The following ZFHX3 variants were observed in gnomAD, a reference collection of about 807,000 sequenced individuals.
ZFHX3 encodes zinc finger homeobox protein 3.
Under a neutral mutation model 279.1 loss-of-function variants are expected in ZFHX3, and 42 were observed. The observed-to-expected ratio is 0.15, with a 90% CI of 0.12 to 0.19. ZFHX3 has a LOEUF of 0.19. ZFHX3 is among the 10% of genes least tolerant of loss of function. The pLI is 1.00. For synonymous variants in ZFHX3, 2,293 were observed against 1,957.8 expected (o/e 1.17, Z -4.52); for missense variants, 4,981 against 4,754.0 (o/e 1.05, Z -1.40).
At chr16:73,814,885 A>T (rs1203377108) in intron 1 of ZFHX3, among the ~76,000 whole-genome samples, 1 of 152,108 alleles carries the variant, frequency 6.6e-6, no homozygotes, top group African/African-American at 2.4e-5. Context: ...ACAACTTCTT[A>T]AAAGTAAAGC....
In ZFHX3 at chr16:73,094,511, G is replaced by A. The variant is rs369289619; in HGVS notation, c.-896-913C>T. Reference sequence around the variant, plus strand: ...CAAAGTAGCTGCCCAATACATGCCTGTGTTGGATGAGTGCTGACGGGTCAC... The same window carrying A: ...CAAAGTAGCTGCCCAATACATGCCTATGTTGGATGAGTGCTGACGGGTCAC... On this transcript the variant is annotated intron_variant, in intron 7 of 17. Transcript: ENST00000641206. The A allele has an allele frequency of 7.2e-5, 11 of 152,090 alleles. No individual in the cohort carries two copies. The East Asian group carries it at 2.1e-3, about 29-fold the overall frequency. 9.4% of individuals were successfully genotyped at this position (152,090 alleles called of 1,614,324 possible).
At chr16:73,810,177 G>A (rs904143787) in intron 1 of ZFHX3, among the ~76,000 whole-genome samples, 1 of 152,102 alleles carries the variant, frequency 6.6e-6, no homozygotes, top group Non-Finnish European at 1.5e-5. Flanking sequence ...CACTGACCCT[G>A]TTAACCCTGA....
At chr16:73,346,531 G>A (rs2016126673) in intron 3 of ZFHX3, among the ~76,000 whole-genome samples, 1 of 152,180 alleles carries the variant, frequency 6.6e-6, no homozygotes, top group African/African-American at 2.4e-5. Context: ...GAGTGCAGAG[G>A]TGCGATCTCG....
chr16:73,705,222 C>A (rs940406501), intron 1 of ZFHX3, among the ~76,000 whole-genome samples: 1 of 152,052 alleles, frequency 6.6e-6, no homozygotes, highest in African/African-American at 2.4e-5. Context: ...GTTTAGCAAC[C>A]AATATGCAAA....
intron 1 of ZFHX3, among the ~76,000 whole-genome samples, chr16:73,847,457 T>C (rs1961478076): frequency 6.6e-6 from 1 of 152,182 alleles, no homozygotes; most frequent in Non-Finnish European, 1.5e-5. Flanking sequence ...CAGGCATTTG[T>C]AGACTTATCC....
chr16:73,138,877 G>C (rs759181905), intron 6 of ZFHX3, among the ~76,000 whole-genome samples: 1 of 152,098 alleles, frequency 6.6e-6, no homozygotes, highest in Non-Finnish European at 1.5e-5. Context: ...CTTTAGTAGA[G>C]ACAGAGTCTC....
intron 3 of ZFHX3, among the ~76,000 whole-genome samples, chr16:73,444,764 G>A (rs2018152161): frequency 6.6e-6 from 1 of 152,164 alleles, no homozygotes; most frequent in Non-Finnish European, 1.5e-5. Context: ...CACCTGTGCA[G>A]CATGCAACAC....
chr16:73,723,830 G>T (rs2053496229), intron 1 of ZFHX3, among the ~76,000 whole-genome samples: 2 of 152,086 alleles, frequency 1.3e-5, no homozygotes, highest in African/African-American at 4.8e-5. Flanking sequence ...CTGCTTCTAG[G>T]GGTCAAAAGC....
chr16:73,543,500 G>C (rs2020053221), intron 2 of ZFHX3, among the ~76,000 whole-genome samples: 1 of 152,060 alleles, frequency 6.6e-6, no homozygotes, highest in African/African-American at 2.4e-5. Context: ...GTGTTATTTA[G>C]AAACCCCTGG....
chr16:73,142,630 G>A (rs373477442), intron 6 of ZFHX3, among the ~76,000 whole-genome samples: 3 of 152,224 alleles, frequency 2.0e-5, no homozygotes, highest in East Asian at 1.9e-4. Flanking sequence ...AGTGCATGAC[G>A]GGTAGTGTGG....
chr16:73,738,756 G>A (rs957787129), intron 1 of ZFHX3, among the ~76,000 whole-genome samples: 1 of 152,190 alleles, frequency 6.6e-6, no homozygotes, highest in Non-Finnish European at 1.5e-5. Context: ...CACGGCTCCA[G>A]TCTTTGGCCA....
chr16:73,071,116 A>T (rs1290060721), intron 8 of ZFHX3, among the ~76,000 whole-genome samples: 14 of 131,402 alleles, frequency 1.1e-4, no homozygotes, highest in African/African-American at 3.7e-4. Flanking sequence ...TAGATTTGAG[A>T]TTTCTAAATT....
At chr16:73,262,657 T>C (rs74455104) in intron 4 of ZFHX3, among the ~76,000 whole-genome samples, 1,753 of 152,264 alleles carry the variant, frequency 0.012, 40 homozygotes, top group African/African-American at 0.04. Context: ...AGGAGGTAGA[T>C]TGCAGACAGG....
At chr16:73,689,763 G>C (rs1387326337) in intron 1 of ZFHX3, among the ~76,000 whole-genome samples, 1 of 152,090 alleles carries the variant, frequency 6.6e-6, no homozygotes. Flanking sequence ...ACGACTATCA[G>C]GTTTCATTAG....
chr16:73,807,395 G>T (rs1340132207), intron 1 of ZFHX3, among the ~76,000 whole-genome samples: 1 of 151,968 alleles, frequency 6.6e-6, no homozygotes, highest in African/African-American at 2.4e-5. Flanking sequence ...TTAGGAAAAT[G>T]CCAGAGATAT....
chr16:73,585,904 C>T (rs75043977), intron 2 of ZFHX3, among the ~76,000 whole-genome samples: 2,352 of 151,574 alleles, frequency 0.016, 67 homozygotes, highest in African/African-American at 0.053. Context: ...CATTTAACTT[C>T]CAAAGTAGTA....
At chr16:73,784,127 A>C (rs1959561651) in intron 1 of ZFHX3, among the ~76,000 whole-genome samples, 1 of 151,734 alleles carries the variant, frequency 6.6e-6, no homozygotes, top group African/African-American at 2.4e-5. Context: ...AGGCAAAAAA[A>C]AGAAAAAAAA....
In ZFHX3 at chr16:73,448,026, T is replaced by G. The variant is rs902449921; in HGVS notation, c.-1291+7977A>C. Reference sequence around the variant, plus strand: ...AGAAACATTCTTTATCCACAAGCAGTCGCCAATAAGGACATTTGCCAAATC... The same window carrying G: ...AGAAACATTCTTTATCCACAAGCAGGCGCCAATAAGGACATTTGCCAAATC... On this transcript the variant is annotated intron_variant, in intron 3 of 17. Coordinates refer to the ZFHX3 transcript ENST00000641206. Among the ~76,000 whole-genome samples the G allele has an allele frequency of 2.6e-4, 39 of 152,158 alleles. 1 individual carries two copies. Among genetic ancestry groups the G allele is most frequent in the African/African-American group, 7.2e-4 (30 of 41,432 alleles).
At chr16:73,372,536 A>T (rs886837691) in intron 3 of ZFHX3, among the ~76,000 whole-genome samples, 1 of 152,256 alleles carries the variant, frequency 6.6e-6, no homozygotes, top group African/African-American at 2.4e-5. Flanking sequence ...GAATTTAGTC[A>T]AAGTTAATTC....
Sources: gnomAD v4.1 joint callset for allele counts (sites outside exome capture counted in the v4.1 genomes callset) on GRCh38, gnomAD v4.1.1 for gene constraint, MANE v1.5 for transcripts, NCBI Gene and HGNC (gene_info 2026-07-23, HGNC 2026-07-21) for gene names.